Variants in RERE observed in about 807,000 individuals in gnomAD.
The protein encoded by RERE is arginine-glutamic acid dipeptide repeats.
In RERE, 40 loss-of-function variants were observed where a neutral mutation model predicts 146.1. The observed-to-expected ratio is 0.27, with a 90% CI of 0.21 to 0.36. The LOEUF is 0.36. Among genes scored for constraint, RERE ranks in the 10% least tolerant of loss-of-function variants. The probability of loss-of-function intolerance (pLI) is 1.00; values close to 1 mark genes in which losing one functional copy is unlikely to be tolerated. For missense variants in RERE, 1,933 were observed against 2,138.7 expected, an observed-to-expected ratio of 0.90 and a Z score of 1.90; for synonymous variants, 1,003 against 866.0, an observed-to-expected ratio of 1.16 and a Z score of -2.78.
chr1:8,816,248 T>C (rs779895661), intron 1 of RERE, among the ~76,000 whole-genome samples: 1 of 149,432 alleles, frequency 6.7e-6, no homozygotes, highest in Non-Finnish European at 1.5e-5. Context: ...TTTTTTTGCG[T>C]TTAAAAATTC....
intron 7 of RERE, among the ~76,000 whole-genome samples, chr1:8,514,100 AGGCTCAGAGTGGTGAGTAC>A (rs1645378623): frequency 6.6e-6 from 1 of 152,224 alleles, no homozygotes; most frequent in South Asian, 2.1e-4. Flanking sequence ...AGAAGCTGTC[AGGCTCAGAGTGGTGAGTAC>A]AAGCTTTTCG....
chr1:8,575,690 C>A (rs1245991165), intron 4 of RERE, among the ~76,000 whole-genome samples: 8 of 151,516 alleles, frequency 5.3e-5, no homozygotes, highest in African/African-American at 1.2e-4. Context: ...ATTGTGCCCA[C>A]CTCAAAGAAA....
chr1:8,412,502 T>A (rs1643642386), intron 12 of RERE, among the ~76,000 whole-genome samples: 1 of 152,226 alleles, frequency 6.6e-6, no homozygotes, highest in South Asian at 2.1e-4. Context: ...TACACACATG[T>A]ATGTGGGACA....
chr1:8,502,437 G>T, intron 8 of RERE, among the ~76,000 whole-genome samples: 2 of 122,326 alleles, frequency 1.6e-5, no homozygotes, highest in Admixed American at 7.6e-5. Context: ...CCTCTGCCTG[G>T]CCAGCCGCCC....
chr1:8,498,814 T>C (rs1417926385), intron 8 of RERE, among the ~76,000 whole-genome samples: 2 of 145,102 alleles, frequency 1.4e-5, no homozygotes, highest in African/African-American at 5.2e-5. Context: ...AGGGCAGTGA[T>C]TTCTTTACGA....
chr1:8,389,329 T>C (rs1239992049), intron 12 of RERE, among the ~76,000 whole-genome samples: 1 of 152,176 alleles, frequency 6.6e-6, no homozygotes, highest in African/African-American at 2.4e-5. Flanking sequence ...ACTAAATACA[T>C]ACACGGGAGG....
At chr1:8,529,468 T>A (rs1645613474) in intron 7 of RERE, among the ~76,000 whole-genome samples, 1 of 6,278 alleles carries the variant, frequency 1.6e-4, no homozygotes. Context: ...TTTTTTAATT[T>A]TTTTTTTTTT....
intron 1 of RERE, among the ~76,000 whole-genome samples, chr1:8,680,351 A>G (rs1570600936): frequency 6.6e-6 from 1 of 152,226 alleles, no homozygotes. Context: ...CCATGAGAAG[A>G]GGCCAAAATG....
intron 2 of RERE, among the ~76,000 whole-genome samples, chr1:8,634,025 AG>A (rs1277254321): frequency 6.6e-6 from 1 of 152,214 alleles, no homozygotes; most frequent in Non-Finnish European, 1.5e-5. Context: ...TATAACCACC[AG>A]GGTCACACAA....
At chr1:8,636,711 A>G (rs1647105931) in intron 2 of RERE, among the ~76,000 whole-genome samples, 1 of 152,230 alleles carries the variant, frequency 6.6e-6, no homozygotes. Flanking sequence ...AAGCAGACCT[A>G]TAATATTTCA....
chr1:8,397,696 C>T (rs1046193103), intron 12 of RERE, among the ~76,000 whole-genome samples: 3 of 152,094 alleles, frequency 2.0e-5, no homozygotes, highest in South Asian at 2.1e-4. Context: ...TGAGGATCCA[C>T]GCGCCTTAGA....
chr1:8,784,612 T>G (rs907013174), intron 1 of RERE, among the ~76,000 whole-genome samples: 7 of 152,168 alleles, frequency 4.6e-5, no homozygotes, highest in African/African-American at 1.4e-4. Context: ...AATTCACAGT[T>G]TTTATCAGAT....
chr1:8,720,993 T>C (rs1639853611), intron 1 of RERE, among the ~76,000 whole-genome samples: 1 of 148,698 alleles, frequency 6.7e-6, no homozygotes, highest in Non-Finnish European at 1.5e-5. Context: ...GAGGCGGAGG[T>C]TGCAGTGAGC....
intron 2 of RERE, among the ~76,000 whole-genome samples, chr1:8,640,458 T>C (rs1422437507): frequency 6.6e-6 from 1 of 152,196 alleles, no homozygotes; most frequent in African/African-American, 2.4e-5. Context: ...CACATTACAC[T>C]ATCACTCTGT....
chr1:8,651,090 C>T lies in RERE; in HGVS notation c.325+4883G>A, dbSNP rs114982244. On this transcript the variant is annotated intron_variant, in intron 2 of 22. Transcript: ENST00000400908. Reference sequence around the variant, plus strand: ...AAGCCTGGGCAACAGGCTGAGACTACGTCTCAAAAAAAAAAATCTACCATT... The same window carrying T: ...AAGCCTGGGCAACAGGCTGAGACTATGTCTCAAAAAAAAAAATCTACCATT... Among the ~76,000 whole-genome samples, 1,201 of 150,784 alleles carry T rather than the reference C, an allele frequency of 8.0e-3. 12 individuals are homozygous for T. Among genetic ancestry groups the T allele is most frequent in the African/African-American group, 0.028 (1,147 of 40,842 alleles).
rs2124473602 is a variant in RERE at position 8,423,544 on chromosome 1, T to A, written c.1204-737A>T. ...TCCCCGCCCCGGTGGGGGCAGCTCC[T>A]GGCTCCGAGCCCCCACCTCGGGGCT... On this transcript the variant is annotated intron_variant, in intron 11 of 22. Transcript: ENST00000400908. The surrounding 1 kb of genome is among the most constrained non-coding windows in gnomAD (Gnocchi z 5.4). 1 of 984,868 alleles carries A rather than the reference T, an allele frequency of 1.0e-6. No homozygotes were observed. The highest frequency in any genetic ancestry group is 4.7e-5 in the South Asian group (1 of 21,268). The allele number at this position is 984,868 out of a possible 1,614,324, so 61.0% of individuals were successfully genotyped here.
At chr1:8,754,809 CA>C (rs1640605049) in intron 1 of RERE, among the ~76,000 whole-genome samples, 1 of 152,132 alleles carries the variant, frequency 6.6e-6, no homozygotes, top group Non-Finnish European at 1.5e-5. Context: ...ATTTATATAA[CA>C]AAAACCAGTA....
intron 6 of RERE, among the ~76,000 whole-genome samples, chr1:8,556,256 C>CAA (rs111743369): frequency 9.6e-5 from 13 of 135,842 alleles, no homozygotes; most frequent in Admixed American, 2.2e-4. Context: ...AGTAAATTAT[C>CAA]AAAAAAAAAA....
chr1:8,702,033 A>G (rs1392662192), intron 1 of RERE, among the ~76,000 whole-genome samples: 2 of 152,080 alleles, frequency 1.3e-5, no homozygotes, highest in African/African-American at 4.8e-5. Flanking sequence ...TAAGGTTTCA[A>G]ATCATGTCTA....
Sources: allele counts gnomAD v4.1 joint callset (sites outside exome capture counted in the v4.1 genomes callset), GRCh38; gene constraint gnomAD v4.1.1; non-coding constraint Gnocchi (gnomAD v3.1); transcripts MANE v1.5; gene names NCBI Gene and HGNC (gene_info 2026-07-23, HGNC 2026-07-21).